The following MTFR1 variants were observed in gnomAD, a reference collection of about 807,000 sequenced individuals.
MTFR1 encodes mitochondrial fission regulator 1, also known as chondrocyte protein with a poly-proline region.
MTFR1 carries 28 observed loss-of-function variants against 38.8 expected under a neutral mutation model. The observed-to-expected ratio is 0.72, with a 90% CI of 0.53 to 0.99. The LOEUF is 0.99. MTFR1 is among the 50% of genes least tolerant of loss of function. MTFR1 has a pLI of 0.00. For missense variants in MTFR1, 358 were observed against 395.5 expected (o/e 0.91, Z 0.81); for synonymous variants, 145 against 137.0 (o/e 1.06, Z -0.41).
rs146036382 is a variant in MTFR1, at chr8:65,766,907, T to G, written c.*49-4040T>G. ...GATTAGGAATCTTTTTAAAATGGGA[T>G]GAGAGTTGAGGAAGTTTCTCAATGG... On this transcript the variant is annotated intron_variant, in intron 3 of 3. Coordinates refer to the MTFR1 transcript ENST00000521247. 1.3e-3 allele frequency among the ~76,000 whole-genome samples: 203 copies of G among 152,288 alleles called. 1 individual carries two copies. The highest frequency in any genetic ancestry group is 3.4e-3 in the Middle Eastern group (1 of 294).
At chr8:65,663,693 T>C (rs1472134092) in intron 1 of MTFR1, among the ~76,000 whole-genome samples, 1 of 152,002 alleles carries the variant, frequency 6.6e-6, no homozygotes. Context: ...GGAGCTCTCT[T>C]AATTACTTGT....
chr8:65,690,374 C>A (rs10111844), intron 3 of MTFR1, among the ~76,000 whole-genome samples: 3 of 151,436 alleles, frequency 2.0e-5, no homozygotes, highest in Non-Finnish European at 4.4e-5. Flanking sequence ...CCATCTCTAC[C>A]AAAAATACAA....
chr8:65,645,005 C>G (rs1034650064), intron 1 of MTFR1, among the ~76,000 whole-genome samples: 6 of 152,214 alleles, frequency 3.9e-5, no homozygotes, highest in Non-Finnish European at 7.3e-5. Flanking sequence ...GTCGGGGGCT[C>G]CGGAGGAGCT....
At chr8:65,758,738 C>T (rs1480305610) in intron 3 of MTFR1, among the ~76,000 whole-genome samples, 1 of 152,216 alleles carries the variant, frequency 6.6e-6, no homozygotes, top group Non-Finnish European at 1.5e-5. Flanking sequence ...TGTCTGACAA[C>T]TGTTGGCCAC....
chr8:65,711,338 G>A (rs1356679633), downstream of MTFR1, among the ~76,000 whole-genome samples: 1 of 152,058 alleles, frequency 6.6e-6, no homozygotes, highest in African/African-American at 2.4e-5. Flanking sequence ...TGGTGAAGAG[G>A]AATACACGTG....
At chr8:65,730,168 C>CTTTTTT (rs1563473710) in intron 3 of MTFR1, among the ~76,000 whole-genome samples, 2 of 31,662 alleles carry the variant, frequency 6.3e-5, no homozygotes, top group African/African-American at 2.4e-4. Context: ...AGGTTGCGCA[C>CTTTTTT]TTCTTTTTTT....
chr8:65,721,180 A>AT (rs1806362814), intron 3 of MTFR1, among the ~76,000 whole-genome samples: 1 of 152,206 alleles, frequency 6.6e-6, no homozygotes, highest in South Asian at 2.1e-4. Context: ...TTGTGACTCC[A>AT]TTTAATTGTA....
At chr8:65,741,983 C>T (rs185669236) in intron 3 of MTFR1, among the ~76,000 whole-genome samples, 1 of 152,252 alleles carries the variant, frequency 6.6e-6, no homozygotes, top group Admixed American at 6.5e-5. Flanking sequence ...AAGTGTACTA[C>T]CCATATGTAA....
chr8:65,773,807 C>G (rs955002187), downstream of MTFR1, among the ~76,000 whole-genome samples: 1 of 152,062 alleles, frequency 6.6e-6, no homozygotes, highest in African/African-American at 2.4e-5. Flanking sequence ...CCCTCTCCCA[C>G]TAAAACGTCC....
At chr8:65,703,354 A>AAG (rs1805672072) in intron 4 of MTFR1, among the ~76,000 whole-genome samples, 1 of 151,510 alleles carries the variant, frequency 6.6e-6, no homozygotes, top group South Asian at 2.1e-4. Context: ...CTGTCTCAAA[A>AAG]AGAGAAACAT....
intron 3 of MTFR1, chr8:65,725,676 T>TA (rs1338352064): frequency 1.3e-5 from 2 of 152,082 alleles, no homozygotes; most frequent in Non-Finnish European, 2.9e-5. Flanking sequence ...GTCAAATAGA[T>TA]AAAAAGACTC....
chr8:65,659,607 CAA>C (rs1563434550), intron 1 of MTFR1, among the ~76,000 whole-genome samples: 1 of 151,874 alleles, frequency 6.6e-6, no homozygotes, highest in South Asian at 2.1e-4. Flanking sequence ...TTCGGGGTAA[CAA>C]TATTGCAGGT....
chr8:65,657,298 C>G (rs1489491535), intron 1 of MTFR1, among the ~76,000 whole-genome samples: 1 of 152,222 alleles, frequency 6.6e-6, no homozygotes, highest in East Asian at 1.9e-4. Flanking sequence ...CAGGCATAAG[C>G]AACTGCGCCC....
At chr8:65,739,555 TG>T (rs1368842058) in intron 3 of MTFR1, 1 of 1,564,322 alleles carries the variant, frequency 6.4e-7, no homozygotes, top group Non-Finnish European at 8.6e-7. Context: ...AATTAATCCA[TG>T]AAGACTAAAT....
At chr8:65,685,351 A>G (rs1805040551) in intron 3 of MTFR1, among the ~76,000 whole-genome samples, 1 of 152,238 alleles carries the variant, frequency 6.6e-6, no homozygotes, top group African/African-American at 2.4e-5. Flanking sequence ...AACTGAGAAC[A>G]GGACAGTCAT....
downstream of MTFR1, among the ~76,000 whole-genome samples, chr8:65,714,983 TAA>T (rs1329866281): frequency 6.6e-6 from 1 of 152,144 alleles, no homozygotes; most frequent in Non-Finnish European, 1.5e-5. Flanking sequence ...TTTTCTTTTT[TAA>T]AGTTAGGACT....
chr8:65,692,014 T>C (rs958427150), intron 3 of MTFR1, among the ~76,000 whole-genome samples: 5 of 152,232 alleles, frequency 3.3e-5, no homozygotes, highest in Admixed American at 2.0e-4. Flanking sequence ...TAAGTATATC[T>C]TCCAAAAGTT....
intron 1 of MTFR1, among the ~76,000 whole-genome samples, chr8:65,667,150 C>T (rs1338146501): frequency 6.6e-6 from 1 of 151,922 alleles, no homozygotes; most frequent in African/African-American, 2.4e-5. Context: ...GTGGTGCATG[C>T]CTGTACTCCC....
intron 3 of MTFR1, among the ~76,000 whole-genome samples, chr8:65,758,713 T>C (rs1240618091): frequency 6.6e-6 from 1 of 152,246 alleles, no homozygotes; most frequent in East Asian, 1.9e-4. Flanking sequence ...TTATGGGCTG[T>C]ACAGTATGTT....
Sources: gnomAD v4.1 joint callset for allele counts (sites outside exome capture counted in the v4.1 genomes callset) on GRCh38, gnomAD v4.1.1 for gene constraint, MANE v1.5 for transcripts, NCBI Gene and HGNC (gene_info 2026-07-23, HGNC 2026-07-21) for gene names.